Variants in SGIP1 observed in about 807,000 individuals in gnomAD.
SGIP1 encodes the protein SH3-containing GRB2-like protein 3-interacting protein 1.
In SGIP1, 38 loss-of-function variants were observed where a neutral mutation model predicts 107.5. The ratio of observed to expected loss-of-function variants is 0.35; its 90% CI spans 0.27 to 0.46. The LOEUF is 0.46. Among genes scored for constraint, SGIP1 ranks in the 20% least tolerant of loss-of-function variants. SGIP1 has a pLI of 1.00. For missense variants in SGIP1, 929 were observed against 1,019.5 expected (o/e 0.91, Z 1.21); for synonymous variants, 365 against 366.1 (o/e 1.00, Z 0.03).
At chr1:66,584,735 T>G (rs907045002) in intron 1 of SGIP1, among the ~76,000 whole-genome samples, 14 of 152,158 alleles carry the variant, frequency 9.2e-5, no homozygotes, top group African/African-American at 3.1e-4. Context: ...AGCTTTAAGA[T>G]AGTGGTAGGT....
At chr1:66,632,940 G>C in intron 2 of SGIP1, 130 bp from the exon 3 acceptor site, 1 of 724,492 alleles carries the variant, frequency 1.4e-6, no homozygotes, top group East Asian at 2.6e-5. Flanking sequence ...GTTTTCATTA[G>C]CCAGGTTTAC....
intron 18 of SGIP1, among the ~76,000 whole-genome samples, chr1:66,714,124 A>G (rs1284809118): frequency 6.6e-6 from 1 of 152,144 alleles, no homozygotes; most frequent in African/African-American, 2.4e-5. Flanking sequence ...TTTCAAGTAC[A>G]TACCATGTTA....
intron 18 of SGIP1, among the ~76,000 whole-genome samples, chr1:66,715,840 T>C (rs1290040747): frequency 6.6e-6 from 1 of 152,172 alleles, no homozygotes; most frequent in Non-Finnish European, 1.5e-5. Flanking sequence ...AACTTTACAC[T>C]TGTTTCTGCT....
chr1:66,634,419 C>T (rs543306332), intron 3 of SGIP1, among the ~76,000 whole-genome samples: 6 of 152,258 alleles, frequency 3.9e-5, no homozygotes, highest in Admixed American at 2.6e-4. Flanking sequence ...TGAGCAGCAC[C>T]AACTTAAATC....
chr1:66,537,752 A>G (rs190022310), intron 1 of SGIP1, among the ~76,000 whole-genome samples: 2 of 152,200 alleles, frequency 1.3e-5, no homozygotes, highest in Admixed American at 1.3e-4. Context: ...ACTACTCATA[A>G]TAACCTGAAA....
chr1:66,578,060 G>A (rs1347134133), intron 1 of SGIP1, among the ~76,000 whole-genome samples: 3 of 152,100 alleles, frequency 2.0e-5, no homozygotes, highest in East Asian at 1.9e-4. Flanking sequence ...ACCTCTTGCA[G>A]AGATATTTAT....
chr1:66,673,149 A>G, intron 11 of SGIP1, 132 bp from the exon 12 acceptor site: 1 of 838,124 alleles, frequency 1.2e-6, no homozygotes, highest in Non-Finnish European at 2.0e-6. Context: ...GGGCTTGTAT[A>G]CACATGCATG....
Position 66,589,202 on chromosome 1 carries a change from A to ATGTGTGTG in SGIP1, c.11-36644_11-36643insGTGTGTGT, listed in dbSNP as rs1265607889. Among the ~76,000 whole-genome samples the ATGTGTGTG allele has an allele frequency of 5.9e-4, 31 of 52,590 alleles. 1 individual carries two copies. In the South Asian group the frequency reaches 0.022, roughly 37 times the overall value. 34.5% of individuals were successfully genotyped at this position (52,590 alleles called of 152,430 possible). A position where few individuals can be genotyped will look rare whatever the true frequency, so the allele number is the denominator to read the frequency against. On this transcript the variant is annotated intron_variant, in intron 1 of 24. Transcript: ENST00000371037. ...TATATATATATATATATATATATAT[A>ATGTGTGTG]TATATATATATATATGTAAGGCTTG...
intron 18 of SGIP1, among the ~76,000 whole-genome samples, chr1:66,697,967 G>A (rs573682545): frequency 2.6e-5 from 4 of 152,172 alleles, no homozygotes; most frequent in East Asian, 1.9e-4. Context: ...AGGGAATGTA[G>A]AAGAAGAAAG....
At chr1:66,681,315 G>A (rs1040712619) in intron 14 of SGIP1, among the ~76,000 whole-genome samples, 1 of 152,090 alleles carries the variant, frequency 6.6e-6, no homozygotes, top group Non-Finnish European at 1.5e-5. Flanking sequence ...AGCTAAATAC[G>A]ATGTGATCAC....
chr1:66,650,361 TC>T (rs2078501720), intron 7 of SGIP1, among the ~76,000 whole-genome samples: 1 of 152,034 alleles, frequency 6.6e-6, no homozygotes, highest in Non-Finnish European at 1.5e-5. Flanking sequence ...TATTTCTAAC[TC>T]CCCCTTCAAA....
chr1:66,561,257 T>C (rs1342400528), intron 1 of SGIP1, among the ~76,000 whole-genome samples: 1 of 152,058 alleles, frequency 6.6e-6, no homozygotes, highest in Non-Finnish European at 1.5e-5. Context: ...TCACTTTGTT[T>C]GGTAGTGGCA....
intron 14 of SGIP1, 48 bp downstream of exon 14, chr1:66,679,800 G>C (rs373252608): frequency 6.2e-5 from 93 of 1,500,448 alleles, no homozygotes; most frequent in Non-Finnish European, 8.0e-5. Flanking sequence ...AAACAGAGCA[G>C]TGGCCCCGGA....
Position 66,746,793 on chromosome 1 carries a change from C to T in SGIP1, c.*3698C>T, listed in dbSNP as rs924886916. The T allele has an allele frequency of 9.2e-5, 14 of 152,102 alleles. No homozygotes were observed. The highest frequency in any genetic ancestry group is 3.4e-4 in the African/African-American group (14 of 41,434). The allele number at this position is 152,102 out of a possible 1,614,324, so 9.4% of individuals were successfully genotyped here. On this transcript the variant is annotated 3_prime_UTR_variant, in exon 25 of 25. Transcript: ENST00000371037. ...GAACAAAACAATCTGTTTTATGTCACTATACGTACTCCATTTGAATGCCAA... is the reference window on the plus strand; with the variant it reads ...GAACAAAACAATCTGTTTTATGTCATTATACGTACTCCATTTGAATGCCAA...
At chr1:66,731,545 GAAAT>G (rs995052930) in intron 20 of SGIP1, among the ~76,000 whole-genome samples, 101 of 151,628 alleles carry the variant, frequency 6.7e-4, no homozygotes, top group African/African-American at 2.4e-3. Context: ...AAAAAAAAAA[GAAAT>G]AAAATATATC....
intron 14 of SGIP1, among the ~76,000 whole-genome samples, chr1:66,680,498 A>G (rs961514465): frequency 3.9e-5 from 6 of 152,210 alleles, no homozygotes; most frequent in Non-Finnish European, 5.9e-5. Flanking sequence ...CTATTTATGC[A>G]GCCTGGTGAG....
At chr1:66,695,796 G>A (rs2090794109) in intron 18 of SGIP1, among the ~76,000 whole-genome samples, 1 of 152,050 alleles carries the variant, frequency 6.6e-6, no homozygotes, top group Non-Finnish European at 1.5e-5. Flanking sequence ...TTTGGCCAAG[G>A]AACTTAACTC....
In SGIP1 at chr1:66,735,647, C is replaced by T. The variant is rs1365811849; in HGVS notation, c.2031+1767C>T. Among the ~76,000 whole-genome samples the T allele has an allele frequency of 4.6e-5, 3 of 65,592 alleles. 1 individual carries two copies. The highest frequency in any genetic ancestry group is 2.3e-4 in the African/African-American group (3 of 12,990). 43.0% of individuals were successfully genotyped at this position (65,592 alleles called of 152,430 possible). A position where few individuals can be genotyped will look rare whatever the true frequency, so the allele number is the denominator to read the frequency against. ...CATCCTGGCTAACAAGGTGAAACCC[C>T]GTCTCTACTAAAAATACAAAAAATT... On this transcript the variant is annotated intron_variant, in intron 21 of 24. Coordinates refer to ENST00000371037, the MANE Select transcript of SGIP1 (RefSeq NM_032291.4).
intron 7 of SGIP1, among the ~76,000 whole-genome samples, chr1:66,649,747 C>A (rs1008705144): frequency 1.3e-5 from 2 of 151,902 alleles, no homozygotes; most frequent in Non-Finnish European, 2.9e-5. Flanking sequence ...TGCACACACA[C>A]AAAAAAAATA....
Sources: allele counts gnomAD v4.1 joint callset (sites outside exome capture counted in the v4.1 genomes callset), GRCh38; gene constraint gnomAD v4.1.1; transcripts MANE v1.5; gene names NCBI Gene and HGNC (gene_info 2026-07-23, HGNC 2026-07-21).